Variants in FOXN3 observed in about 807,000 individuals in gnomAD.
FOXN3 encodes the protein forkhead box protein N3.
A neutral mutation model predicts 38.4 loss-of-function variants in FOXN3; 7 were observed. The ratio of observed to expected loss-of-function variants is 0.18; its 90% CI spans 0.10 to 0.34. FOXN3 has a LOEUF of 0.34. Ranked by LOEUF, FOXN3 falls within the 10% of genes least tolerant of loss-of-function variation. The pLI is 1.00. For missense variants in FOXN3, 456 were observed against 613.4 expected (o/e 0.74, Z 2.71); for synonymous variants, 230 against 242.2 (o/e 0.95, Z 0.47).
rs184790863 is a variant in FOXN3, at chr14:89,323,845, G to A, written c.680+26827C>T. Among the ~76,000 whole-genome samples, 42 of 152,332 alleles carry A rather than the reference G, an allele frequency of 2.8e-4. No individual in the cohort carries two copies. In the East Asian group the frequency reaches 6.2e-3, roughly 22 times the overall value. On this transcript the variant is annotated intron_variant, in intron 3 of 5. Coordinates refer to ENST00000557258, the MANE Select transcript of FOXN3 (RefSeq NM_005197.4). Reference sequence around the variant, plus strand: ...TGACAGAGAGCAAAGGCAATTGGGGGTGGTGGTGAAGTGTAGATACTGGAA... The same window carrying A: ...TGACAGAGAGCAAAGGCAATTGGGGATGGTGGTGAAGTGTAGATACTGGAA...
chr14:89,592,262 G>A (rs917429830), intron 1 of FOXN3, among the ~76,000 whole-genome samples: 4 of 152,166 alleles, frequency 2.6e-5, no homozygotes, highest in African/African-American at 4.8e-5. Flanking sequence ...TCTAAGTATT[G>A]AGAGATAATT....
At chr14:89,440,789 C>T (rs1426637979) in intron 1 of FOXN3, among the ~76,000 whole-genome samples, 3 of 152,210 alleles carry the variant, frequency 2.0e-5, no homozygotes, top group Non-Finnish European at 2.9e-5. Flanking sequence ...TCTCTTCACA[C>T]AGATGCCATG....
At position 89,362,882 on chromosome 14, in the gene FOXN3, G is replaced by A. The variant is rs539577563; in HGVS notation, c.544-12074C>T. Among the ~76,000 whole-genome samples, 17 of 150,528 alleles carry A rather than the reference G, an allele frequency of 1.1e-4. 1 individual carries two copies. In the South Asian group the frequency reaches 3.2e-3, roughly 28 times the overall value. ...CCATTCAAACTTCCGTGGGCCTAAC[G>A]AAAGGTGGATCGTTGGGCCTGATTT... On this transcript the variant is annotated intron_variant, in intron 2 of 5. Coordinates refer to ENST00000557258, the MANE Select transcript of FOXN3 (RefSeq NM_005197.4).
At chr14:89,325,265 C>T (rs1377152100) in intron 3 of FOXN3, among the ~76,000 whole-genome samples, 1 of 147,144 alleles carries the variant, frequency 6.8e-6, no homozygotes, top group African/African-American at 2.5e-5. Flanking sequence ...ACCACCACCA[C>T]CATCACCAAC....
At position 89,264,645 on chromosome 14, in the gene FOXN3, G is replaced by C. The variant is rs183627205; in HGVS notation, c.745+16305C>G. Among the ~76,000 whole-genome samples, 9 of 152,206 alleles carry C rather than the reference G, an allele frequency of 5.9e-5. No individual in the cohort carries two copies. In the East Asian group the frequency reaches 1.7e-3, roughly 29 times the overall value. ...TGAGAATCAGGCCCAAGAAGAGCAG[G>C]AACACCCTCAGGGTGGGCTCACAAG... On this transcript the variant is annotated intron_variant, in intron 4 of 5. Coordinates refer to ENST00000557258, the MANE Select transcript of FOXN3 (RefSeq NM_005197.4).
intron 1 of FOXN3, among the ~76,000 whole-genome samples, chr14:89,533,661 CAAAAAAAAAAAA>C (rs34194637): frequency 1.4e-4 from 9 of 65,932 alleles, no homozygotes; most frequent in East Asian, 5.6e-4. Context: ...GACTCTGTCT[CAAAAAAAAAAAA>C]AAAAAAAAAA....
rs55848557 is a variant in FOXN3 at position 89,525,631 on chromosome 14, T to TAAA, written c.-15+93394_-15+93396dup. On this transcript the variant is annotated intron_variant, in intron 1 of 6. Coordinates refer to the FOXN3 transcript ENST00000345097. Reference sequence around the variant, plus strand: ...CTATCTCCAATAAACTTGTTTTCACTAAAAAAAAAAAAAAAAAAAGACTCC... The same window carrying TAAA: ...CTATCTCCAATAAACTTGTTTTCACTAAAAAAAAAAAAAAAAAAAAAAGACTCC... Among the ~76,000 whole-genome samples, 81 of 123,888 alleles carry TAAA rather than the reference T, an allele frequency of 6.5e-4. 1 individual carries two copies. The highest frequency in any genetic ancestry group is 1.8e-3 in the East Asian group (8 of 4,508). The allele number at this position is 123,888 out of a possible 152,430, so 81.3% of individuals were successfully genotyped here.
At chr14:89,325,795 G>A (rs748629700) in intron 3 of FOXN3, among the ~76,000 whole-genome samples, 2 of 152,206 alleles carry the variant, frequency 1.3e-5, no homozygotes, top group Non-Finnish European at 2.9e-5. Context: ...ATGTGTGTGA[G>A]TCCCAAGATG....
At chr14:89,325,289 CCACCAA>C (rs796102165) in intron 3 of FOXN3, among the ~76,000 whole-genome samples, 15 of 128,654 alleles carry the variant, frequency 1.2e-4, no homozygotes, top group Admixed American at 4.1e-4. Flanking sequence ...AACACCAACA[CCACCAA>C]CACCAACACC....
At chr14:89,187,549 C>A (rs1046972236) in intron 4 of FOXN3, among the ~76,000 whole-genome samples, 1 of 152,214 alleles carries the variant, frequency 6.6e-6, no homozygotes, top group South Asian at 2.1e-4. Context: ...AGGCCTTGGG[C>A]GATGCCGGCA....
intron 1 of FOXN3, among the ~76,000 whole-genome samples, chr14:89,489,016 G>A (rs1893513678): frequency 6.6e-6 from 1 of 152,148 alleles, no homozygotes; most frequent in African/African-American, 2.4e-5. Flanking sequence ...TAAATAGAAG[G>A]TTTTATTTCC....
chr14:89,273,521 T>C (rs1008856741), intron 4 of FOXN3, among the ~76,000 whole-genome samples: 8 of 152,346 alleles, frequency 5.3e-5, no homozygotes, highest in Middle Eastern at 3.4e-3. Flanking sequence ...CACACCAGGC[T>C]GTAGCCACTG....
rs1894925992 is a variant in FOXN3 at position 89,548,352 on chromosome 14, C to T, written c.-15+70676G>A. ...TATATGCATGTATGCGGCTAGGCTA[C>T]ATATACGGTTATAAAGATGTGCACA... On this transcript the variant is annotated intron_variant, in intron 1 of 6. Coordinates refer to the FOXN3 transcript ENST00000345097. The surrounding 1 kb of genome is among the most constrained non-coding windows in gnomAD (Gnocchi z 4.8). Among the ~76,000 whole-genome samples the T allele has an allele frequency of 1.3e-5, 2 of 152,150 alleles. No individual in the cohort carries two copies. Among genetic ancestry groups the T allele is most frequent in the Admixed American group, 1.3e-4 (2 of 15,270 alleles).
intron 4 of FOXN3, among the ~76,000 whole-genome samples, chr14:89,201,252 G>A (rs1024682567): frequency 6.6e-6 from 1 of 152,194 alleles, no homozygotes; most frequent in South Asian, 2.1e-4. Context: ...CCTCTCTGGG[G>A]ATGGCAGTAG....
At chr14:89,385,532 G>T (rs1185867250) in intron 2 of FOXN3, among the ~76,000 whole-genome samples, 1 of 148,134 alleles carries the variant, frequency 6.8e-6, no homozygotes, top group Non-Finnish European at 1.5e-5. Context: ...GGAGGGCTGG[G>T]TGCCATGGTT....
chr14:89,485,221 G>T (rs1248524759), intron 1 of FOXN3, among the ~76,000 whole-genome samples: 1 of 151,104 alleles, frequency 6.6e-6, no homozygotes, highest in Non-Finnish European at 1.5e-5. Flanking sequence ...GGGCAGACCT[G>T]GGGGAGAGTG....
chr14:89,458,030 CAAAAAAAAAAA>C (rs11445763), intron 1 of FOXN3, among the ~76,000 whole-genome samples: 11 of 53,532 alleles, frequency 2.1e-4, no homozygotes, highest in African/African-American at 7.4e-4. Context: ...AACTCCATCT[CAAAAAAAAAAA>C]AAAAAAAAAA....
At chr14:89,600,862 T>A (rs1441840261) in intron 1 of FOXN3, among the ~76,000 whole-genome samples, 1 of 152,190 alleles carries the variant, frequency 6.6e-6, no homozygotes, top group African/African-American at 2.4e-5. Flanking sequence ...GAAAAGAAAG[T>A]GAGTACAATT....
chr14:89,308,210 G>A (rs1887432921), intron 3 of FOXN3, among the ~76,000 whole-genome samples: 1 of 152,196 alleles, frequency 6.6e-6, no homozygotes, highest in Non-Finnish European at 1.5e-5. Flanking sequence ...GCTTCAGTGA[G>A]CAGAGACTGT....
Sources: gnomAD v4.1 joint callset for allele counts (sites outside exome capture counted in the v4.1 genomes callset) on GRCh38, gnomAD v4.1.1 for gene constraint, Gnocchi (gnomAD v3.1) non-coding constraint, MANE v1.5 for transcripts, NCBI Gene and HGNC (gene_info 2026-07-23, HGNC 2026-07-21) for gene names.